The following DLGAP2 variants were observed in gnomAD, a reference collection of about 807,000 sequenced individuals.
DLGAP2 encodes disks large-associated protein 2.
In DLGAP2, 26 loss-of-function variants were observed where a neutral mutation model predicts 100.3. That is an observed-to-expected ratio of 0.26 (90% CI 0.19 to 0.36). DLGAP2 has a LOEUF of 0.36. Among genes scored for constraint, DLGAP2 ranks in the 10% least tolerant of loss-of-function variants. The probability of loss-of-function intolerance (pLI) is 1.00; values close to 1 mark genes in which losing one functional copy is unlikely to be tolerated. For missense variants in DLGAP2, 1,858 were observed against 1,453.2 expected, an observed-to-expected ratio of 1.28 and a Z score of -4.53; for synonymous variants, 886 against 630.1, an observed-to-expected ratio of 1.41 and a Z score of -6.08.
At chr8:967,393 G>C (rs1271289570) in intron 2 of DLGAP2, among the ~76,000 whole-genome samples, 4 of 152,198 alleles carry the variant, frequency 2.6e-5, no homozygotes, top group Admixed American at 2.6e-4. Context: ...GTGGTTTTGA[G>C]AGTGAGTAGA....
intron 3 of DLGAP2, among the ~76,000 whole-genome samples, chr8:1,364,904 G>C (rs1168603323): frequency 6.6e-6 from 1 of 152,202 alleles, no homozygotes; most frequent in Non-Finnish European, 1.5e-5. Context: ...GCAGGGGGTA[G>C]TTTTAAAACT....
chr8:1,662,688 C>T (rs143433793), intron 8 of DLGAP2, among the ~76,000 whole-genome samples: 2 of 152,350 alleles, frequency 1.3e-5, no homozygotes, highest in African/African-American at 4.8e-5. Flanking sequence ...ATGCCAAGAC[C>T]GCCTACCCCA....
intron 6 of DLGAP2, among the ~76,000 whole-genome samples, chr8:1,592,593 C>T (rs2130676729): frequency 6.6e-6 from 1 of 152,260 alleles, no homozygotes; most frequent in Admixed American, 6.5e-5. Flanking sequence ...ATTTCCTTTT[C>T]AGGGCTCCCA....
rs571171076 is a variant in DLGAP2 at position 922,122 on chromosome 8, C to T, written c.73+14156C>T. Among the ~76,000 whole-genome samples the T allele has an allele frequency of 3.3e-5, 5 of 152,332 alleles. No individual in the cohort carries two copies. The South Asian group carries it at 8.3e-4, about 25-fold the overall frequency. On this transcript the variant is annotated intron_variant, in intron 2 of 14. Transcript: ENST00000637795. ...CTTGTTTCTTGCAGCAAATGACGAT[C>T]TGTCCTTGTTTTCAGAGGCGCCGAG...
At chr8:1,121,609 A>G (rs771347811) in intron 2 of DLGAP2, among the ~76,000 whole-genome samples, 2 of 150,708 alleles carry the variant, frequency 1.3e-5, no homozygotes, top group African/African-American at 2.5e-5. Flanking sequence ...TTCAGAACCC[A>G]TGACTACCCA....
At chr8:1,512,083 G>A (rs111713800) in intron 4 of DLGAP2, among the ~76,000 whole-genome samples, 3,914 of 152,328 alleles carry the variant, frequency 0.026, 67 homozygotes, top group Middle Eastern at 0.034. Flanking sequence ...CATCAGCCCA[G>A]GTAGGCAGGG....
intron 1 of DLGAP2, among the ~76,000 whole-genome samples, chr8:772,252 G>A (rs1821382721): frequency 6.6e-6 from 1 of 151,948 alleles, no homozygotes; most frequent in Admixed American, 6.6e-5. Context: ...GTAAAAACAG[G>A]CAAAATCATG....
At chr8:1,285,428 G>C (rs1401846253) in intron 3 of DLGAP2, among the ~76,000 whole-genome samples, 2 of 152,174 alleles carry the variant, frequency 1.3e-5, no homozygotes, top group Non-Finnish European at 2.9e-5. Flanking sequence ...ATTAGTTTTG[G>C]AAGATATTTG....
chr8:963,655 C>T (rs1799779677), intron 2 of DLGAP2, among the ~76,000 whole-genome samples: 1 of 151,776 alleles, frequency 6.6e-6, no homozygotes, highest in Non-Finnish European at 1.5e-5. Flanking sequence ...GTTGGTGACC[C>T]CCAGGACCTA....
chr8:1,043,256 T>G (rs1191839464), intron 2 of DLGAP2, among the ~76,000 whole-genome samples: 13 of 80,176 alleles, frequency 1.6e-4, no homozygotes, highest in East Asian at 3.6e-4. Flanking sequence ...GTGGTGGGTG[T>G]GGGTGGTGGA....
intron 2 of DLGAP2, among the ~76,000 whole-genome samples, chr8:1,059,071 G>T (rs984091153): frequency 1.3e-5 from 2 of 152,308 alleles, no homozygotes; most frequent in South Asian, 4.1e-4. Context: ...ATGTGTCCAT[G>T]TGTCCATGGG....
intron 1 of DLGAP2, chr8:738,034 C>T (rs1820364983): frequency 1.7e-5 from 5 of 300,010 alleles, no homozygotes; most frequent in African/African-American, 8.9e-5. Flanking sequence ...TTGCGCTCCT[C>T]GCCGGGCTCC....
chr8:1,273,527 T>G (rs192887841), intron 3 of DLGAP2, among the ~76,000 whole-genome samples: 4 of 152,242 alleles, frequency 2.6e-5, no homozygotes, highest in Admixed American at 2.6e-4. Context: ...CGTGCTCAAG[T>G]GTGGATGGCC....
chr8:1,424,179 C>T, intron 3 of DLGAP2, among the ~76,000 whole-genome samples: 1 of 152,308 alleles, frequency 6.6e-6, no homozygotes, highest in East Asian at 1.9e-4. Flanking sequence ...CTCTTTCACG[C>T]AAGTTGAGAG....
intron 1 of DLGAP2, among the ~76,000 whole-genome samples, chr8:881,850 C>T (rs1797804640): frequency 6.6e-6 from 1 of 151,984 alleles, no homozygotes; most frequent in Non-Finnish European, 1.5e-5. Context: ...TATGCCCTGT[C>T]ACTTTGTTCC....
intron 12 of DLGAP2, among the ~76,000 whole-genome samples, chr8:1,682,211 A>G (rs989425527): frequency 1.6e-4 from 25 of 152,302 alleles, no homozygotes; most frequent in African/African-American, 6.0e-4. Flanking sequence ...CTGCGAAGAC[A>G]GAGGCCAAGG....
chr8:1,587,646 T>A (rs1584959036), intron 6 of DLGAP2, among the ~76,000 whole-genome samples: 1 of 137,856 alleles, frequency 7.3e-6, no homozygotes, highest in Non-Finnish European at 1.5e-5. Context: ...ACTCAAGGGG[T>A]GAATGAATGA....
intron 3 of DLGAP2, among the ~76,000 whole-genome samples, chr8:1,298,425 C>T (rs1376505637): frequency 6.6e-6 from 1 of 152,166 alleles, no homozygotes; most frequent in Non-Finnish European, 1.5e-5. Flanking sequence ...CCCTGGATCA[C>T]AGTGTGACAC....
chr8:1,192,880 A>G (rs1235853300), intron 2 of DLGAP2, among the ~76,000 whole-genome samples: 1 of 150,476 alleles, frequency 6.6e-6, no homozygotes, highest in African/African-American at 2.5e-5. Flanking sequence ...TGTCCAAGTG[A>G]TTTCATTGTT....
Sources: allele counts gnomAD v4.1 joint callset (sites outside exome capture counted in the v4.1 genomes callset), GRCh38; gene constraint gnomAD v4.1.1; transcripts MANE v1.5; gene names NCBI Gene and HGNC (gene_info 2026-07-23, HGNC 2026-07-21).